The following IL2RB variants were observed in gnomAD, a reference collection of about 807,000 sequenced individuals.
The protein encoded by IL2RB is interleukin 2 receptor subunit beta, also known as interleukin-2 receptor subunit beta.
In IL2RB, 17 loss-of-function variants were observed where a neutral mutation model predicts 44.2. The observed-to-expected ratio is 0.38, with a 90% confidence interval of 0.26 to 0.58. IL2RB has a LOEUF of 0.58. Among genes scored for constraint, IL2RB ranks in the 20% least tolerant of loss-of-function variants. The pLI, the probability that IL2RB is intolerant of heterozygous loss-of-function variation, is 0.63. For synonymous variants in IL2RB, 286 were observed against 297.9 expected (o/e 0.96, Z 0.41); for missense variants, 624 against 685.5 (o/e 0.91, Z 1.00).
intron 1 of IL2RB, among the ~76,000 whole-genome samples, chr22:37,166,466 C>T (rs964313632): frequency 7.2e-5 from 11 of 152,214 alleles, no homozygotes; most frequent in African/African-American, 2.7e-4. Flanking sequence ...CTGTGCCACC[C>T]CTGCTCCGTT....
chr22:37,135,285 G>A (rs754600437), intron 8 of IL2RB, 43 bp downstream of exon 8: 13 of 1,324,898 alleles, frequency 9.8e-6, no homozygotes. Context: ...TGTGCACGTT[G>A]GAGGGGTGGG....
chr22:37,149,569 C>T (rs1922390427), intron 1 of IL2RB, among the ~76,000 whole-genome samples: 1 of 152,236 alleles, frequency 6.6e-6, no homozygotes, highest in Non-Finnish European at 1.5e-5. Context: ...CATCCCACAG[C>T]AGTCCCTAGC....
At chr22:37,163,430 C>G (rs915172346) in intron 1 of IL2RB, among the ~76,000 whole-genome samples, 14 of 152,122 alleles carry the variant, frequency 9.2e-5, no homozygotes, top group African/African-American at 3.1e-4. Context: ...AGGTAGATAC[C>G]CCAAAGAGAA....
In IL2RB at chr22:37,142,666, C is replaced by T. The variant is rs779669397; in HGVS notation, c.204-154G>A. 9.4e-6 allele frequency: 7 copies of T among 741,318 alleles called. No homozygotes were observed. The East Asian group carries it at 1.3e-4, about 14-fold the overall frequency. 45.9% of individuals were successfully genotyped at this position (741,318 alleles called of 1,614,324 possible). On this transcript the variant is annotated intron_variant, in intron 3 of 9. Coordinates refer to ENST00000216223, the MANE Select transcript of IL2RB (RefSeq NM_000878.5). ...CAACCACTGTGAGGGGCACTGCCTC[C>T]CCCACTGGCTCCATGGCATTCCTCC... is the stretch of plus-strand genomic sequence containing the variant.
upstream of IL2RB, among the ~76,000 whole-genome samples, chr22:37,154,861 AC>A (rs1483908427): frequency 6.6e-6 from 1 of 151,984 alleles, no homozygotes; most frequent in Non-Finnish European, 1.5e-5. Flanking sequence ...GACGTTAGCC[AC>A]CACGGCCGGC....
chr22:37,135,366 T>C lies in IL2RB; in HGVS notation c.780A>G (p.Leu260=). 1 of 1,613,798 alleles carries C rather than the reference T, an allele frequency of 6.2e-7. No homozygotes were observed. The highest frequency in any genetic ancestry group is 2.2e-5 in the East Asian group (1 of 44,868). Residue 260 remains leucine (L), a synonymous_variant, in exon 8 of 10, where the codon TTA becomes TTG. Transcript: ENST00000216223. Reference sequence around the variant, plus strand: ...TCCTGCAGTTGATCAGCAAGTACACTAAGATGATGAAGCCAAAAGCCCCGC... The same window carrying C: ...TCCTGCAGTTGATCAGCAAGTACACCAAGATGATGAAGCCAAAAGCCCCGC... ...GLSGAFGFII[L]VYLLINCRNT...
At chr22:37,167,861 A>C (rs1322258850) in intron 1 of IL2RB, among the ~76,000 whole-genome samples, 2 of 151,960 alleles carry the variant, frequency 1.3e-5, no homozygotes, top group African/African-American at 4.8e-5. Flanking sequence ...AACTGCATTT[A>C]TTGAAAGATG....
Position 37,166,762 on chromosome 22 carries a change from G to A in IL2RB, c.-34+8196C>T, listed in dbSNP as rs977595165. ...ACTTGTGCTGCAGGAGGGAGGTGAA[G>A]TCGCGGCCAGGAGCGTGACCACGCT... On this transcript the variant is annotated intron_variant, in intron 1 of 5. Transcript: ENST00000429622. 2.6e-5 allele frequency: 4 copies of A among 152,222 alleles called. No individual in the cohort carries two copies. In the East Asian group the frequency reaches 7.7e-4, roughly 29 times the overall value. 9.4% of individuals were successfully genotyped at this position (152,222 alleles called of 1,614,324 possible).
At chr22:37,172,318 C>T (rs779023484) in intron 1 of IL2RB, among the ~76,000 whole-genome samples, 14 of 152,078 alleles carry the variant, frequency 9.2e-5, no homozygotes, top group East Asian at 1.9e-4. Flanking sequence ...AGCTCCTTGG[C>T]GCCCGCTGTG....
At chr22:37,130,987 C>CA (rs546302203) in intron 9 of IL2RB, among the ~76,000 whole-genome samples, 26 of 152,230 alleles carry the variant, frequency 1.7e-4, no homozygotes, top group African/African-American at 6.0e-4. Flanking sequence ...GCCAACATGG[C>CA]AAAACCCCGT....
At chr22:37,167,642 C>T (rs375715283) in intron 1 of IL2RB, among the ~76,000 whole-genome samples, 13 of 152,372 alleles carry the variant, frequency 8.5e-5, no homozygotes, top group Admixed American at 5.2e-4. Context: ...CTCAGGGCAG[C>T]TTTCCCAGCA....
intron 6 of IL2RB, among the ~76,000 whole-genome samples, chr22:37,137,279 T>C (rs1436248753): frequency 1.3e-5 from 2 of 152,204 alleles, no homozygotes. Context: ...CTTTGACACG[T>C]GGAGGGTTGG....
At chr22:37,167,497 G>A (rs978114675) in intron 1 of IL2RB, among the ~76,000 whole-genome samples, 11 of 152,252 alleles carry the variant, frequency 7.2e-5, no homozygotes, top group African/African-American at 2.2e-4. Flanking sequence ...CAGGCCTGCG[G>A]CCTCTCTGGC....
chr22:37,165,701 A>AATTTT lies in IL2RB; in HGVS notation c.-34+9256_-34+9257insAAAAT, dbSNP rs138799803. 4.9e-3 allele frequency among the ~76,000 whole-genome samples: 634 copies of AATTTT among 130,348 alleles called. 12 individuals carry two copies. Among genetic ancestry groups the AATTTT allele is most frequent in the African/African-American group, 0.019 (621 of 32,788 alleles). The allele number at this position is 130,348 out of a possible 152,430, so 85.5% of individuals were successfully genotyped here. ...TTAAAAATTTAATTTAATTTAATTT[A>AATTTT]ATTTAATTTTATTATTGTTTGTGGG... On this transcript the variant is annotated intron_variant, in intron 1 of 5. Transcript: ENST00000429622.
chr22:37,151,842 T>C (rs1338553018), upstream of IL2RB, among the ~76,000 whole-genome samples: 3 of 152,246 alleles, frequency 2.0e-5, no homozygotes, highest in Non-Finnish European at 4.4e-5. Context: ...GGTATGTTTT[T>C]GGCAATTTTG....
intron 2 of IL2RB, among the ~76,000 whole-genome samples, chr22:37,143,882 G>GGC (rs1164923540): frequency 1.6e-5 from 2 of 128,712 alleles, no homozygotes; most frequent in African/African-American, 6.6e-5. Flanking sequence ...GGCTTGGAGA[G>GGC]GCGTGTGTGT....
chr22:37,136,467 C>CCG (rs1555896937), intron 6 of IL2RB, 74 bp from the exon 7 acceptor site: 40 of 1,163,664 alleles, frequency 3.4e-5, no homozygotes, highest in South Asian at 3.1e-4. Flanking sequence ...CATCACAGAA[C>CCG]CCCCCCCCAA....
rs1601597441 is a variant in IL2RB at position 37,135,313 on chromosome 22, G to A, written c.818+15C>T. The stretch of plus-strand genomic sequence containing the variant: ...GGGGTGGGAGCATGAAGGAAGGGGA[G>A]GAGAACCTTCTTACCATGGCCCGGT... On this transcript the variant is annotated intron_variant, in intron 8 of 9. Coordinates refer to ENST00000216223, the MANE Select transcript of IL2RB (RefSeq NM_000878.5). 6.3e-7 allele frequency: 1 copy of A among 1,589,210 alleles called. No individual in the cohort carries two copies. Among genetic ancestry groups the A allele is most frequent in the East Asian group, 2.2e-5 (1 of 44,732 alleles).
At chr22:37,165,494 C>T (rs1377722031) in intron 1 of IL2RB, among the ~76,000 whole-genome samples, 1 of 152,102 alleles carries the variant, frequency 6.6e-6, no homozygotes, top group South Asian at 2.1e-4. Context: ...GGAGTTATAG[C>T]AGCCACAAAA....
Sources: allele counts gnomAD v4.1 joint callset (sites outside exome capture counted in the v4.1 genomes callset), GRCh38; gene constraint gnomAD v4.1.1; transcripts MANE v1.5; gene names NCBI Gene and HGNC (gene_info 2026-07-23, HGNC 2026-07-21).